Variants in DNAI4 observed in about 807,000 individuals in gnomAD.
DNAI4 encodes WD repeat domain 78.
Under a neutral mutation model 105.8 loss-of-function variants are expected in DNAI4, and 85 were observed. That is an observed-to-expected ratio of 0.80 (90% CI 0.67 to 0.96). The LOEUF (loss-of-function observed/expected upper bound fraction) is 0.96. Among genes scored for constraint, DNAI4 ranks in the 40% least tolerant of loss-of-function variants. The pLI is 0.00. For synonymous variants in DNAI4, 352 were observed against 331.5 expected (o/e 1.06, Z -0.67); for missense variants, 1,014 against 1,005.6 (o/e 1.01, Z -0.11).
rs1027319567 is a variant in DNAI4, at chr1:66,827,812, CT to C, written c.2111del (p.Lys704ArgfsTer7). 2 of 1,542,324 alleles carry C rather than the reference CT, an allele frequency of 1.3e-6. No homozygotes were observed. The highest frequency in any genetic ancestry group is 3.8e-5 in the Admixed American group (2 of 52,748). On this transcript the variant is annotated frameshift_variant and splice_region_variant, in exon 14 of 17. Coordinates refer to ENST00000371026, the MANE Select transcript of DNAI4 (RefSeq NM_024763.5). LOFTEE classifies it high-confidence loss of function. Reference sequence around the variant, plus strand: ...TCCAACCTACTATAATTAAACTAACCTTATGTCCTCTGTAGGTATCTAAGTA... The same window carrying C: ...TCCAACCTACTATAATTAAACTAACCTATGTCCTCTGTAGGTATCTAAGTA... ...EQYLDTYRGH[K>X]GPVYKVTWNP... is the part of the protein sequence containing the mutation.
At chr1:66,866,343 G>A (rs182372738) in intron 6 of DNAI4, among the ~76,000 whole-genome samples, 7 of 152,024 alleles carry the variant, frequency 4.6e-5, no homozygotes, top group Admixed American at 2.0e-4. Flanking sequence ...GTAAATGCAA[G>A]CTAGATGCAG....
chr1:66,883,180 CTTTTTTTTTT>C (rs755412295), intron 4 of DNAI4, among the ~76,000 whole-genome samples: 1 of 93,024 alleles, frequency 1.1e-5, no homozygotes, highest in African/African-American at 4.2e-5. Flanking sequence ...GTTTTCTTTT[CTTTTTTTTTT>C]TTTTTTTTTT....
At chr1:66,844,102 A>AC (rs200306265) in intron 8 of DNAI4, among the ~76,000 whole-genome samples, 10,300 of 146,788 alleles carry the variant, frequency 0.07, 1,158 homozygotes, top group East Asian at 0.51. Flanking sequence ...AAAAAAAAAA[A>AC]AAAAACTTTA....
At chr1:66,827,445 G>C (rs1645778521) in intron 14 of DNAI4, among the ~76,000 whole-genome samples, 1 of 152,012 alleles carries the variant, frequency 6.6e-6, no homozygotes, top group African/African-American at 2.4e-5. Context: ...GGAAGATAAA[G>C]TGGAAGTTCA....
At chr1:66,882,323 C>T (rs1647090782) in intron 4 of DNAI4, among the ~76,000 whole-genome samples, 1 of 152,152 alleles carries the variant, frequency 6.6e-6, no homozygotes, top group Non-Finnish European at 1.5e-5. Context: ...TTAAAAAGTC[C>T]AATTCTACCA....
chr1:66,828,734 C>T (rs527268926), intron 13 of DNAI4, among the ~76,000 whole-genome samples: 6 of 152,128 alleles, frequency 3.9e-5, no homozygotes, highest in South Asian at 2.1e-4. Flanking sequence ...TTACTGTCTT[C>T]GATGAACATA....
At chr1:66,835,041 T>C (rs897860349) in intron 11 of DNAI4, among the ~76,000 whole-genome samples, 2 of 152,170 alleles carry the variant, frequency 1.3e-5, no homozygotes, top group Non-Finnish European at 2.9e-5. Context: ...CTCTAACTTT[T>C]TGGCTTTCCT....
Position 66,834,105 on chromosome 1 carries a change from A to C in DNAI4, c.1777T>G (p.Trp593Gly). 1 of 1,610,160 alleles carries C rather than the reference A, an allele frequency of 6.2e-7. No individual in the cohort carries two copies. The highest frequency in any genetic ancestry group is 1.1e-5 in the South Asian group (1 of 89,924). The change falls in exon 12 of 17, where the codon TGG becomes GGG. Residue 593 changes from tryptophan (W) to glycine (G), a missense_variant. Trp to Gly is a radical substitution (Grantham distance 184). Transcript: ENST00000371026. ...GTTGTTCCTCGATCTTGTTCTATCC[A>C]CTGTAGTTGCCATACAGGTCCCAAA... is the stretch of plus-strand genomic sequence containing the variant. ...KHLGPVWQLQ[W>G]IEQDRGTTGD...
At chr1:66,893,156 T>C (rs762742722) in intron 3 of DNAI4, 73 bp downstream of exon 3, 25 of 779,072 alleles carry the variant, frequency 3.2e-5, no homozygotes, top group Non-Finnish European at 4.3e-5. Context: ...ATATCTAAGA[T>C]ACACATTTGC....
chr1:66,862,056 A>G (rs1473580371), intron 7 of DNAI4, 91 bp downstream of exon 7: 1 of 1,253,904 alleles, frequency 8.0e-7, no homozygotes, highest in Admixed American at 2.7e-5. Context: ...ATGGTCCATT[A>G]GAAAGAAAAC....
At chr1:66,822,261 A>T in intron 16 of DNAI4, 100 bp downstream of exon 16, 1 of 1,093,290 alleles carries the variant, frequency 9.1e-7, no homozygotes, top group Non-Finnish European at 1.3e-6. Flanking sequence ...TTATTATATT[A>T]CACCTAAGAT....
intron 1 of DNAI4, among the ~76,000 whole-genome samples, chr1:66,910,004 T>C (rs2100854077): frequency 6.6e-6 from 1 of 152,290 alleles, no homozygotes; most frequent in South Asian, 2.1e-4. Context: ...TACTTAACCT[T>C]GATCCCCTAA....
chr1:66,922,695 T>C (rs1650582095), intron 1 of DNAI4, among the ~76,000 whole-genome samples: 1 of 152,042 alleles, frequency 6.6e-6, no homozygotes, highest in Admixed American at 6.6e-5. Context: ...TAGAGTGAGG[T>C]ATAAGATAGA....
At chr1:66,858,552 G>GAAAAAAAAAAAAAAAAAAA (rs1646554782) in intron 7 of DNAI4, among the ~76,000 whole-genome samples, 1 of 108,522 alleles carries the variant, frequency 9.2e-6, no homozygotes, top group Non-Finnish European at 1.9e-5. Context: ...AAAAAAAAAT[G>GAAAAAAAAAAAAAAAAAAA]CAAAAATCCT....
At chr1:66,835,505 T>C in intron 11 of DNAI4, 121 bp downstream of exon 11, 1 of 1,044,250 alleles carries the variant, frequency 9.6e-7, no homozygotes, top group Non-Finnish European at 1.4e-6. Flanking sequence ...ATGAAATGTT[T>C]CAAAAATAAT....
intron 4 of DNAI4, among the ~76,000 whole-genome samples, chr1:66,877,367 T>C (rs1251739353): frequency 6.6e-6 from 1 of 152,188 alleles, no homozygotes; most frequent in Admixed American, 6.5e-5. Context: ...AAACTCCTTC[T>C]AGTTATATGG....
chr1:66,905,351 C>T lies in DNAI4; in HGVS notation c.195G>A (p.Lys65=), dbSNP rs1275450175. 1 of 1,496,904 alleles carries T rather than the reference C, an allele frequency of 6.7e-7. No individual in the cohort carries two copies. Among genetic ancestry groups the T allele is most frequent in the Admixed American group, 1.9e-5 (1 of 53,984 alleles). 92.7% of individuals were successfully genotyped at this position (1,496,904 alleles called of 1,614,324 possible). ...FGLNNATQPK[K]SISFFATMKA... ...TCATTGTAGCAAAAAAGCTAATAGACTTCTTTGGTTGTGTGGCATTGTTCC... is the reference window on the plus strand; with the variant it reads ...TCATTGTAGCAAAAAAGCTAATAGATTTCTTTGGTTGTGTGGCATTGTTCC... The change falls in exon 2 of 17, where the codon AAG becomes AAA. Residue 65 remains lysine, a synonymous_variant. Transcript: ENST00000371026.
chr1:66,854,716 G>A (rs1441270297), intron 7 of DNAI4, among the ~76,000 whole-genome samples: 1 of 152,134 alleles, frequency 6.6e-6, no homozygotes, highest in Non-Finnish European at 1.5e-5. Context: ...CAGGAGAATG[G>A]CTTGAACCCG....
At chr1:66,815,131 A>G (rs1645490049) in intron 16 of DNAI4, among the ~76,000 whole-genome samples, 1 of 152,200 alleles carries the variant, frequency 6.6e-6, no homozygotes, top group Non-Finnish European at 1.5e-5. Context: ...GCACTTCCCC[A>G]TCATTCAAGC....
Sources: gnomAD v4.1 joint callset for allele counts (sites outside exome capture counted in the v4.1 genomes callset) on GRCh38, gnomAD v4.1.1 for gene constraint, MANE v1.5 for transcripts, NCBI Gene and HGNC (gene_info 2026-07-23, HGNC 2026-07-21) for gene names.